The following FER variants were observed in gnomAD, a reference collection of about 807,000 sequenced individuals.
FER encodes the protein FER tyrosine kinase.
Under a neutral mutation model 111.0 loss-of-function variants are expected in FER, and 63 were observed. That is an observed-to-expected ratio of 0.57 (90% CI 0.46 to 0.70). The LOEUF (loss-of-function observed/expected upper bound fraction) is 0.70. FER is among the 30% of genes least tolerant of loss of function. The probability of loss-of-function intolerance (pLI) is 0.00; values close to 1 mark genes in which losing one functional copy is unlikely to be tolerated. For synonymous variants in FER, 327 were observed against 313.9 expected, an observed-to-expected ratio of 1.04 and a Z score of -0.44; for missense variants, 914 against 954.0, an observed-to-expected ratio of 0.96 and a Z score of 0.55.
At chr5:109,012,466 A>C (rs984381402) in intron 13 of FER, among the ~76,000 whole-genome samples, 17 of 152,236 alleles carry the variant, frequency 1.1e-4, no homozygotes, top group African/African-American at 3.9e-4. Context: ...TGATTTAGTC[A>C]TCTTTAAGAG....
intron 17 of FER, among the ~76,000 whole-genome samples, chr5:109,130,385 A>G (rs1008243671): frequency 3.3e-5 from 5 of 152,086 alleles, no homozygotes; most frequent in African/African-American, 7.2e-5. Flanking sequence ...TAAAGATGCC[A>G]TAGTGTATAT....
At chr5:109,021,222 G>C (rs545150620) in intron 13 of FER, among the ~76,000 whole-genome samples, 21 of 151,846 alleles carry the variant, frequency 1.4e-4, no homozygotes, top group African/African-American at 5.1e-4. Context: ...GATTTTAGCC[G>C]GTGTGCTTAC....
Position 108,816,122 on chromosome 5 carries a change from C to G in FER, c.208-16648C>G, listed in dbSNP as rs116370802. ...TATATACACACATGCTTTAATCTATCAAAAAAAAAACCATGAGTTTGTTCC... is the reference window on the plus strand; with the variant it reads ...TATATACACACATGCTTTAATCTATGAAAAAAAAAACCATGAGTTTGTTCC... On this transcript the variant is annotated intron_variant, in intron 3 of 19. Transcript: ENST00000281092. 6.4e-3 allele frequency among the ~76,000 whole-genome samples: 939 copies of G among 147,766 alleles called. 15 individuals carry two copies. The highest frequency in any genetic ancestry group is 0.022 in the African/African-American group (905 of 40,408).
intron 2 of FER, among the ~76,000 whole-genome samples, chr5:108,794,042 G>C (rs1417456085): frequency 6.6e-6 from 1 of 151,874 alleles, no homozygotes; most frequent in Non-Finnish European, 1.5e-5. Flanking sequence ...TTTTTCTGAA[G>C]ACCAGAGTAG....
intron 10 of FER, among the ~76,000 whole-genome samples, chr5:108,908,759 G>A (rs957085870): frequency 4.6e-5 from 7 of 152,056 alleles, no homozygotes; most frequent in African/African-American, 1.7e-4. Context: ...TGAAGGCCAG[G>A]TGTGGTGGCT....
rs1580837263 is a variant in FER, at chr5:108,844,992, GTGTGTATATATATATA to G, written c.481+9187_481+9202del. On this transcript the variant is annotated intron_variant, in intron 5 of 19. Coordinates refer to ENST00000281092, the MANE Select transcript of FER (RefSeq NM_005246.4). ...TGGATTGTTCATTGCTGGTGTGTGTGTGTGTATATATATATATATATATATATATATATATATATAT... is the reference window on the plus strand; with the variant it reads ...TGGATTGTTCATTGCTGGTGTGTGTGTATATATATATATATATATATATAT... 6.5e-4 allele frequency among the ~76,000 whole-genome samples: 25 copies of G among 38,268 alleles called. No homozygotes were observed. The South Asian group carries it at 8.6e-3, about 13-fold the overall frequency. 25.1% of individuals were successfully genotyped at this position (38,268 alleles called of 152,430 possible).
chr5:108,944,628 T>C (rs975687996), intron 10 of FER, among the ~76,000 whole-genome samples: 4 of 152,078 alleles, frequency 2.6e-5, no homozygotes, highest in East Asian at 1.9e-4. Context: ...AGGTAGACTG[T>C]AATTTAAAGC....
intron 13 of FER, among the ~76,000 whole-genome samples, chr5:108,969,617 G>T (rs1466726261): frequency 7.5e-6 from 1 of 133,776 alleles, no homozygotes; most frequent in South Asian, 2.1e-4. Context: ...TAATTTTTTT[G>T]AACACTGTGA....
intron 13 of FER, among the ~76,000 whole-genome samples, chr5:109,019,735 G>A (rs1767680331): frequency 6.6e-6 from 1 of 151,692 alleles, no homozygotes; most frequent in Non-Finnish European, 1.5e-5. Context: ...ATTTCTTCTA[G>A]CATTCTTCCC....
At chr5:108,959,420 A>G in intron 13 of FER, 73 bp downstream of exon 13, 1 of 1,482,308 alleles carries the variant, frequency 6.7e-7, no homozygotes, top group Non-Finnish European at 9.0e-7. Flanking sequence ...CCAACAGTAA[A>G]TAAAATTCTT....
chr5:108,961,767 A>G (rs903254778), intron 13 of FER, among the ~76,000 whole-genome samples: 1 of 152,184 alleles, frequency 6.6e-6, no homozygotes, highest in African/African-American at 2.4e-5. Flanking sequence ...GTACATAACA[A>G]ATTGATATGG....
intron 17 of FER, among the ~76,000 whole-genome samples, chr5:109,143,303 G>C (rs1753718913): frequency 6.6e-6 from 1 of 152,106 alleles, no homozygotes; most frequent in African/African-American, 2.4e-5. Flanking sequence ...CTTGACTCTA[G>C]ACACATAAAT....
chr5:109,045,013 A>G (rs1327119392), intron 15 of FER, among the ~76,000 whole-genome samples: 1 of 152,112 alleles, frequency 6.6e-6, no homozygotes, highest in East Asian at 1.9e-4. Flanking sequence ...TCAAGTTCTT[A>G]AAATGTTAAG....
chr5:108,938,697 C>T (rs1207673240), intron 10 of FER, among the ~76,000 whole-genome samples: 1 of 151,880 alleles, frequency 6.6e-6, no homozygotes, highest in Non-Finnish European at 1.5e-5. Context: ...TGGGAGACTA[C>T]AAGACTTAAG....
chr5:109,158,207 C>T (rs1274453355), intron 17 of FER, among the ~76,000 whole-genome samples: 3 of 151,722 alleles, frequency 2.0e-5, no homozygotes, highest in East Asian at 3.9e-4. Context: ...GATGAAACCC[C>T]GTCTCTACAA....
chr5:109,192,038 A>G lies in FER; in HGVS notation c.*4463A>G, dbSNP rs533221300. 21 of 152,180 alleles carry G rather than the reference A, an allele frequency of 1.4e-4. No individual in the cohort carries two copies. The highest frequency in any genetic ancestry group is 2.8e-4 in the Non-Finnish European group (19 of 68,030). 9.4% of individuals were successfully genotyped at this position (152,180 alleles called of 1,614,324 possible). On this transcript the variant is annotated 3_prime_UTR_variant, in exon 20 of 20. Transcript: ENST00000281092. ...TCCTCCTGCCTCATACCGATTCAGA[A>G]ATTAAATTCTGAACTTTTAGTGTAG...
intron 4 of FER, among the ~76,000 whole-genome samples, chr5:108,833,241 A>C (rs1212777281): frequency 6.6e-6 from 1 of 152,152 alleles, no homozygotes; most frequent in Non-Finnish European, 1.5e-5. Flanking sequence ...GACTTTTAAA[A>C]ATAAATTTGT....
chr5:109,147,041 A>G (rs1754301063), intron 17 of FER, among the ~76,000 whole-genome samples: 1 of 152,056 alleles, frequency 6.6e-6, no homozygotes, highest in South Asian at 2.1e-4. Context: ...ACTTCCATTC[A>G]TAGAGATTAT....
chr5:109,054,674 AG>A (rs1351210769), intron 16 of FER, among the ~76,000 whole-genome samples: 4 of 149,796 alleles, frequency 2.7e-5, no homozygotes, highest in Non-Finnish European at 6.0e-5. Flanking sequence ...GTTGAACCCA[AG>A]GTCCTAAAAG....
Sources: gnomAD v4.1 joint callset for allele counts (sites outside exome capture counted in the v4.1 genomes callset) on GRCh38, gnomAD v4.1.1 for gene constraint, MANE v1.5 for transcripts, NCBI Gene and HGNC (gene_info 2026-07-23, HGNC 2026-07-21) for gene names.